Variants in COX7B2 observed in about 807,000 individuals in gnomAD.
COX7B2 encodes cytochrome c oxidase subunit 7B2, also known as cytochrome c oxidase subunit 7B2, mitochondrial.
For synonymous variants in COX7B2, 37 were observed against 32.1 expected, an observed-to-expected ratio of 1.15 and a Z score of -0.51; for missense variants, 109 against 95.9, an observed-to-expected ratio of 1.14 and a Z score of -0.57.
chr4:46,760,574 G>A (rs1046363902), intron 2 of COX7B2, among the ~76,000 whole-genome samples: 2 of 152,076 alleles, frequency 1.3e-5, no homozygotes, highest in African/African-American at 4.8e-5. Flanking sequence ...GGGGGTCTGG[G>A]GGAGGGATAG....
intron 1 of COX7B2, among the ~76,000 whole-genome samples, chr4:46,891,603 G>C (rs1463877989): frequency 6.6e-6 from 1 of 152,174 alleles, no homozygotes; most frequent in Non-Finnish European, 1.5e-5. Flanking sequence ...CACTACCTTA[G>C]ATAAAAATGA....
intron 2 of COX7B2, among the ~76,000 whole-genome samples, chr4:46,790,411 T>C (rs1189014387): frequency 1.3e-5 from 2 of 152,214 alleles, no homozygotes; most frequent in African/African-American, 2.4e-5. Context: ...TTGAATTATA[T>C]GTTTTTGAGC....
intron 1 of COX7B2, among the ~76,000 whole-genome samples, chr4:46,862,615 G>A (rs942819812): frequency 2.0e-5 from 3 of 152,078 alleles, no homozygotes; most frequent in African/African-American, 7.2e-5. Context: ...TTCAAATTTT[G>A]ATAAATAAGA....
At chr4:46,825,261 G>A (rs779650454) in intron 2 of COX7B2, among the ~76,000 whole-genome samples, 7 of 151,794 alleles carry the variant, frequency 4.6e-5, no homozygotes, top group African/African-American at 7.3e-5. Flanking sequence ...AGCCACATCA[G>A]AAAGGCAATC....
rs59974163 is a variant in COX7B2 at position 46,890,975 on chromosome 4, G to T, written c.-105+18185C>A. ...TGCAAGGGGTTGAAGGATAAAGTAA[G>T]AATCTAGGCTAGAGATGATGCTGTC... is the stretch of plus-strand genomic sequence containing the variant. On this transcript the variant is annotated intron_variant, in intron 1 of 2. Coordinates refer to ENST00000355591, the MANE Select transcript of COX7B2 (RefSeq NM_130902.3). Among the ~76,000 whole-genome samples the T allele has an allele frequency of 2.0e-5, 3 of 152,218 alleles. No individual in the cohort carries two copies. In the South Asian group the frequency reaches 6.2e-4, roughly 32 times the overall value.
intron 1 of COX7B2, among the ~76,000 whole-genome samples, chr4:46,888,965 T>G (rs1269670824): frequency 2.6e-5 from 4 of 152,164 alleles, no homozygotes; most frequent in African/African-American, 9.7e-5. Context: ...CATTTTAAAG[T>G]AACTAAGAGT....
intron 1 of COX7B2, among the ~76,000 whole-genome samples, chr4:46,866,955 G>A (rs7687298): frequency 0.28 from 42,882 of 151,896 alleles, 6,464 homozygotes; most frequent in Admixed American, 0.38. Flanking sequence ...ATATCCAGTC[G>A]ACTATCAAAA....
chr4:46,779,066 G>A (rs1458002446), intron 2 of COX7B2, among the ~76,000 whole-genome samples: 1 of 152,102 alleles, frequency 6.6e-6, no homozygotes, highest in South Asian at 2.1e-4. Flanking sequence ...GTCCTCAGAA[G>A]TCATTGACCT....
At chr4:46,873,099 T>C (rs1718101987) in intron 1 of COX7B2, among the ~76,000 whole-genome samples, 1 of 152,018 alleles carries the variant, frequency 6.6e-6, no homozygotes, top group Admixed American at 6.6e-5. Context: ...TGAGTTAGTT[T>C]CCTGAGAATG....
At position 46,739,426 on chromosome 4, in the gene COX7B2, T is replaced by C. The variant is rs555273469; in HGVS notation, c.-49-4185A>G. ...GGAAATGGTTCACAGTACTTTGCTA[T>C]TTATTTACCTATTAACTACTGTACG... is the stretch of plus-strand genomic sequence containing the variant. On this transcript the variant is annotated intron_variant, in intron 2 of 2. Coordinates refer to ENST00000355591, the MANE Select transcript of COX7B2 (RefSeq NM_130902.3). Among the ~76,000 whole-genome samples, 37 of 152,200 alleles carry C rather than the reference T, an allele frequency of 2.4e-4. 1 individual carries two copies. The highest frequency in any genetic ancestry group is 8.2e-4 in the African/African-American group (34 of 41,562).
At chr4:46,829,702 A>G (rs1382835042) in intron 2 of COX7B2, among the ~76,000 whole-genome samples, 1 of 152,208 alleles carries the variant, frequency 6.6e-6, no homozygotes, top group East Asian at 1.9e-4. Flanking sequence ...AAGGTTTACA[A>G]TTTCCATGTA....
chr4:46,832,062 G>A (rs1280081084), intron 2 of COX7B2, among the ~76,000 whole-genome samples: 3 of 152,314 alleles, frequency 2.0e-5, no homozygotes, highest in African/African-American at 7.2e-5. Context: ...GGATGTGGGT[G>A]GGGCCAGATA....
At chr4:46,870,250 T>C (rs1291137793) in intron 1 of COX7B2, among the ~76,000 whole-genome samples, 1 of 151,860 alleles carries the variant, frequency 6.6e-6, no homozygotes, top group African/African-American at 2.4e-5. Flanking sequence ...ATTACCTCAA[T>C]AGGCACAGAA....
chr4:46,891,322 A>G (rs959319259), intron 1 of COX7B2, among the ~76,000 whole-genome samples: 5 of 152,208 alleles, frequency 3.3e-5, no homozygotes, highest in Admixed American at 6.5e-5. Flanking sequence ...TACAGATGGT[A>G]ATTAAAACAT....
chr4:46,823,989 T>G (rs183703520), intron 2 of COX7B2, among the ~76,000 whole-genome samples: 1 of 151,846 alleles, frequency 6.6e-6, no homozygotes, highest in Admixed American at 6.6e-5. Flanking sequence ...TCCCCCAAAT[T>G]TAATAGCTTC....
intron 2 of COX7B2, among the ~76,000 whole-genome samples, chr4:46,785,036 A>G (rs1717674460): frequency 6.6e-6 from 1 of 152,238 alleles, no homozygotes; most frequent in African/African-American, 2.4e-5. Flanking sequence ...AAGAAAATAT[A>G]TAAAGATATG....
intron 1 of COX7B2, among the ~76,000 whole-genome samples, chr4:46,905,814 C>CTTTTTTTTCTT (rs1720346305): frequency 1.4e-5 from 1 of 71,686 alleles, no homozygotes; most frequent in Non-Finnish European, 2.5e-5. Flanking sequence ...GCATATATTT[C>CTTTTTTTTCTT]TTTTTTTTTT....
intron 1 of COX7B2, among the ~76,000 whole-genome samples, chr4:46,871,409 C>T (rs926442774): frequency 5.3e-5 from 8 of 152,122 alleles, no homozygotes; most frequent in African/African-American, 1.9e-4. Flanking sequence ...TAGACAATAT[C>T]ATCCTGCACA....
chr4:46,845,528 G>A (rs1022612854), intron 1 of COX7B2, among the ~76,000 whole-genome samples: 1 of 151,950 alleles, frequency 6.6e-6, no homozygotes, highest in African/African-American at 2.4e-5. Flanking sequence ...TATAACAATA[G>A]TGAGGATTTA....
Sources: allele counts gnomAD v4.1 joint callset (sites outside exome capture counted in the v4.1 genomes callset), GRCh38; gene constraint gnomAD v4.1.1; transcripts MANE v1.5; gene names NCBI Gene and HGNC (gene_info 2026-07-23, HGNC 2026-07-21).